Variants in NUBPL observed in about 807,000 individuals in gnomAD.
NUBPL encodes iron-sulfur cluster transfer protein NUBPL.
Under a neutral mutation model 45.7 loss-of-function variants are expected in NUBPL, and 31 were observed. The observed-to-expected ratio is 0.68, with a 90% CI of 0.51 to 0.92. NUBPL has a LOEUF of 0.92. Ranked by LOEUF, NUBPL falls within the 40% of genes least tolerant of loss-of-function variation. The pLI is 0.00. For synonymous variants in NUBPL, 144 were observed against 140.9 expected, an observed-to-expected ratio of 1.02 and a Z score of -0.15; for missense variants, 401 against 398.7, an observed-to-expected ratio of 1.01 and a Z score of -0.05.
intron 4 of NUBPL, among the ~76,000 whole-genome samples, chr14:31,620,884 C>A (rs1039974437): frequency 5.3e-5 from 8 of 152,188 alleles, no homozygotes; most frequent in Non-Finnish European, 7.4e-5. Context: ...GCGCCCACAG[C>A]CGCACCTTCC....
At chr14:31,823,326 T>A (rs2040047808) in intron 7 of NUBPL, among the ~76,000 whole-genome samples, 2 of 152,136 alleles carry the variant, frequency 1.3e-5, no homozygotes, top group South Asian at 2.1e-4. Context: ...AAAATCATAA[T>A]GTCCTTGAAG....
At chr14:31,769,105 G>T (rs2038963276) in intron 6 of NUBPL, among the ~76,000 whole-genome samples, 1 of 152,116 alleles carries the variant, frequency 6.6e-6, no homozygotes, top group African/African-American at 2.4e-5. Flanking sequence ...AAATAACATT[G>T]ATTAGTGATG....
chr14:31,689,754 G>T (rs1162827559), intron 6 of NUBPL, among the ~76,000 whole-genome samples: 1 of 152,104 alleles, frequency 6.6e-6, no homozygotes, highest in Non-Finnish European at 1.5e-5. Context: ...GTCCAGGATG[G>T]TATTGCCTAG....
chr14:31,622,170 T>C (rs2035080585), intron 4 of NUBPL, among the ~76,000 whole-genome samples: 1 of 151,982 alleles, frequency 6.6e-6, no homozygotes, highest in South Asian at 2.1e-4. Context: ...AACTTGAGAG[T>C]GATGATTTAG....
At chr14:31,666,263 A>ATATATCTTTATTTATTATTT in intron 4 of NUBPL, among the ~76,000 whole-genome samples, 1 of 111,888 alleles carries the variant, frequency 8.9e-6, no homozygotes, top group African/African-American at 3.1e-5. Flanking sequence ...ATATATATAT[A>ATATATCTTTATTTATTATTT]ATTTTATTTT....
intron 9 of NUBPL, among the ~76,000 whole-genome samples, chr14:31,849,035 C>T (rs2040497891): frequency 6.6e-6 from 1 of 152,120 alleles, no homozygotes; most frequent in East Asian, 1.9e-4. Context: ...AAAGCTGATC[C>T]TTAAATGGTT....
chr14:31,583,679 G>C (rs2139502764), intron 3 of NUBPL, among the ~76,000 whole-genome samples: 1 of 152,276 alleles, frequency 6.6e-6, no homozygotes, highest in African/African-American at 2.4e-5. Flanking sequence ...AAATTACTTT[G>C]CTGTTGTATG....
intron 8 of NUBPL, among the ~76,000 whole-genome samples, chr14:31,841,995 A>G (rs1307559565): frequency 7.5e-6 from 1 of 133,884 alleles, no homozygotes; most frequent in African/African-American, 3.0e-5. Flanking sequence ...CAGTGGCACA[A>G]TCTCAGCTCA....
At chr14:31,691,882 A>G (rs1318970146) in intron 6 of NUBPL, among the ~76,000 whole-genome samples, 1 of 152,166 alleles carries the variant, frequency 6.6e-6, no homozygotes, top group Non-Finnish European at 1.5e-5. Flanking sequence ...CTTGGTTTCA[A>G]CTGGCCACTG....
intron 8 of NUBPL, among the ~76,000 whole-genome samples, chr14:31,842,130 C>T (rs972350531): frequency 7.3e-5 from 11 of 151,374 alleles, no homozygotes; most frequent in East Asian, 3.9e-4. Flanking sequence ...GGGGTTTCAC[C>T]GTGTTAGCCA....
intron 8 of NUBPL, among the ~76,000 whole-genome samples, chr14:31,841,599 A>G (rs2040369693): frequency 6.6e-6 from 1 of 152,134 alleles, no homozygotes; most frequent in Non-Finnish European, 1.5e-5. Context: ...CTCTTGAATC[A>G]TATCTTTTGA....
At chr14:31,706,983 G>A (rs1327006252) in intron 6 of NUBPL, among the ~76,000 whole-genome samples, 2 of 152,304 alleles carry the variant, frequency 1.3e-5, no homozygotes, top group African/African-American at 2.4e-5. Context: ...CAGCTCACAC[G>A]TTTGAGGAGA....
At chr14:31,846,271 G>T (rs187745963) in intron 8 of NUBPL, 200 bp from the exon 9 acceptor site, 24 of 545,330 alleles carry the variant, frequency 4.4e-5, no homozygotes, top group African/African-American at 4.2e-4. Flanking sequence ...CATTTATTAT[G>T]ATATCAAAGG....
chr14:31,635,295 G>A (rs1323372950), intron 4 of NUBPL, among the ~76,000 whole-genome samples: 7 of 152,158 alleles, frequency 4.6e-5, no homozygotes, highest in Admixed American at 4.6e-4. Context: ...TCCAGTTTCA[G>A]CTTTGTACAT....
chr14:31,625,132 G>A (rs1430747057), intron 4 of NUBPL, among the ~76,000 whole-genome samples: 1 of 152,250 alleles, frequency 6.6e-6, no homozygotes, highest in African/African-American at 2.4e-5. Context: ...GGTATGAAGA[G>A]GTGATCAGAG....
intron 6 of NUBPL, among the ~76,000 whole-genome samples, chr14:31,736,077 G>T (rs1448769209): frequency 6.6e-6 from 1 of 151,894 alleles, no homozygotes; most frequent in Non-Finnish European, 1.5e-5. Context: ...AATACAGTGG[G>T]GTTTTCTTTT....
intron 4 of NUBPL, among the ~76,000 whole-genome samples, chr14:31,664,382 C>T (rs187989006): frequency 0.017 from 2,586 of 152,086 alleles, 42 homozygotes; most frequent in Non-Finnish European, 0.027. Flanking sequence ...TGTCATAAAT[C>T]GCTTTTATTA....
At chr14:31,830,228 C>A (rs1208625345) in intron 8 of NUBPL, among the ~76,000 whole-genome samples, 1 of 152,168 alleles carries the variant, frequency 6.6e-6, no homozygotes, top group African/African-American at 2.4e-5. Flanking sequence ...TTCCACAAAT[C>A]TATATTTACT....
intron 7 of NUBPL, among the ~76,000 whole-genome samples, chr14:31,814,627 A>G (rs1267380194): frequency 6.6e-6 from 1 of 152,084 alleles, no homozygotes; most frequent in Non-Finnish European, 1.5e-5. Context: ...TATATCCTGA[A>G]TGGTATTCCC....
Sources: gnomAD v4.1 joint callset for allele counts (sites outside exome capture counted in the v4.1 genomes callset) on GRCh38, gnomAD v4.1.1 for gene constraint, MANE v1.5 for transcripts, NCBI Gene and HGNC (gene_info 2026-07-23, HGNC 2026-07-21) for gene names.